The following NRXN3 variants were observed in gnomAD, a reference collection of about 807,000 sequenced individuals.
NRXN3 encodes the protein neurexin 3, also known as neurexin III.
NRXN3 carries 32 observed loss-of-function variants against 137.6 expected under a neutral mutation model. The observed-to-expected ratio is 0.23, with a 90% CI of 0.18 to 0.31. NRXN3 has a LOEUF of 0.31. NRXN3 is among the 10% of genes least tolerant of loss of function. The pLI, the probability that NRXN3 is intolerant of heterozygous loss-of-function variation, is 1.00. For synonymous variants in NRXN3, 798 were observed against 784.5 expected, an observed-to-expected ratio of 1.02 and a Z score of -0.29; for missense variants, 1,574 against 2,062.5, an observed-to-expected ratio of 0.76 and a Z score of 4.59.
chr14:79,200,828 A>ATTTTTTTTTTTTTTTTTTTTTT, intron 15 of NRXN3, among the ~76,000 whole-genome samples: 1 of 59,082 alleles, frequency 1.7e-5, no homozygotes, highest in Non-Finnish European at 3.1e-5. Context: ...TGTGAGCTGT[A>ATTTTTTTTTTTTTTTTTTTTTT]TTTTTTTTTT....
chr14:78,391,937 T>A (rs1336072627), intron 4 of NRXN3, among the ~76,000 whole-genome samples: 1 of 151,992 alleles, frequency 6.6e-6, no homozygotes, highest in African/African-American at 2.4e-5. Context: ...CCTCAAGATA[T>A]TTCATCCCTT....
intron 4 of NRXN3, among the ~76,000 whole-genome samples, chr14:78,339,248 G>A (rs2081882801): frequency 6.6e-6 from 1 of 152,188 alleles, no homozygotes; most frequent in Admixed American, 6.5e-5. Flanking sequence ...TCGCATGGGA[G>A]CAGGCATTAT....
chr14:78,218,221 G>C lies in NRXN3; in HGVS notation c.-703-24170G>C, dbSNP rs1183923215. Reference sequence around the variant, plus strand: ...GAAAAAAAAAAGTTACCTAGGCGTGGTGGCGCACACCTGTAGTCTTAGCTA... The same window carrying C: ...GAAAAAAAAAAGTTACCTAGGCGTGCTGGCGCACACCTGTAGTCTTAGCTA... On this transcript the variant is annotated intron_variant, in intron 1 of 20. Coordinates refer to ENST00000335750, the MANE Select transcript of NRXN3 (RefSeq NM_001330195.2). Among the ~76,000 whole-genome samples the C allele has an allele frequency of 2.6e-5, 4 of 152,226 alleles. No individual in the cohort carries two copies. In the East Asian group the frequency reaches 7.7e-4, roughly 29 times the overall value.
intron 4 of NRXN3, among the ~76,000 whole-genome samples, chr14:78,536,055 G>C (rs571796451): frequency 2.0e-5 from 3 of 152,148 alleles, no homozygotes; most frequent in Middle Eastern, 3.4e-3. Context: ...AGAGTGTTTC[G>C]TGGCATGACA....
Position 78,988,142 on chromosome 14 carries a change from G to A in NRXN3, c.3262+1G>A. ...TATTCTGGAAACCAGTGCAATGATC[G>A]TAAGTACAACAACCTTTCATACTGG... On this transcript the variant is annotated splice_donor_variant, in intron 15 of 20. Coordinates refer to ENST00000335750, the MANE Select transcript of NRXN3 (RefSeq NM_001330195.2). LOFTEE classifies it high-confidence loss of function. 1.9e-6 allele frequency: 3 copies of A among 1,613,670 alleles called. No homozygotes were observed. Among genetic ancestry groups the A allele is most frequent in the Admixed American group, 1.7e-5 (1 of 59,976 alleles).
intron 1 of NRXN3, among the ~76,000 whole-genome samples, chr14:78,183,981 A>G (rs1282195232): frequency 2.0e-5 from 3 of 152,126 alleles, no homozygotes; most frequent in Non-Finnish European, 4.4e-5. Flanking sequence ...CTTTTTTTGT[A>G]CATGTAGTTA....
intron 15 of NRXN3, among the ~76,000 whole-genome samples, chr14:79,397,014 T>C (rs1436596749): frequency 6.6e-6 from 1 of 152,154 alleles, no homozygotes; most frequent in Non-Finnish European, 1.5e-5. Context: ...ACAATCTCTT[T>C]GGGGAGGGAG....
At chr14:78,402,588 G>A (rs1230598192) in intron 4 of NRXN3, among the ~76,000 whole-genome samples, 4 of 152,188 alleles carry the variant, frequency 2.6e-5, no homozygotes, top group African/African-American at 9.7e-5. Flanking sequence ...TTTCAAATAT[G>A]AAGATGTAAA....
intron 3 of NRXN3, among the ~76,000 whole-genome samples, chr14:78,278,877 A>C (rs1355716933): frequency 2.6e-5 from 4 of 152,262 alleles, no homozygotes; most frequent in Non-Finnish European, 5.9e-5. Context: ...CTCATACTTA[A>C]TATAATCACT....
At chr14:78,506,906 A>AT (rs1259567448) in intron 4 of NRXN3, among the ~76,000 whole-genome samples, 1 of 151,964 alleles carries the variant, frequency 6.6e-6, no homozygotes, top group African/African-American at 2.4e-5. Context: ...ATTGTAGGCC[A>AT]TTTTTGTGTG....
chr14:78,692,023 A>T (rs1287875182), intron 6 of NRXN3, among the ~76,000 whole-genome samples: 1 of 152,220 alleles, frequency 6.6e-6, no homozygotes, highest in Non-Finnish European at 1.5e-5. Flanking sequence ...CTGGGCCTAT[A>T]AATTTAATTA....
At position 78,785,486 on chromosome 14, in the gene NRXN3, G is replaced by A. The variant is rs765164112; in HGVS notation, c.2045-18134G>A. On this transcript the variant is annotated intron_variant, in intron 8 of 20. Transcript: ENST00000335750. The stretch of plus-strand genomic sequence containing the variant: ...ATTCTGGCAAGCTAAACATGGTGAC[G>A]GAGCCAGATAACTTGTTCCCTGTAG... 2.6e-5 allele frequency among the ~76,000 whole-genome samples: 4 copies of A among 152,158 alleles called. No individual in the cohort carries two copies. In the East Asian group the frequency reaches 5.8e-4, roughly 22 times the overall value.
chr14:79,683,890 G>T (rs1022094776), intron 17 of NRXN3, among the ~76,000 whole-genome samples: 2 of 152,182 alleles, frequency 1.3e-5, no homozygotes, highest in African/African-American at 2.4e-5. Context: ...TTATGACTCA[G>T]TCTCTAAGTC....
At chr14:78,624,253 A>G (rs144094818) in intron 4 of NRXN3, among the ~76,000 whole-genome samples, 73 of 152,332 alleles carry the variant, frequency 4.8e-4, no homozygotes, top group Non-Finnish European at 7.9e-4. Flanking sequence ...CATACCCTCC[A>G]AAAAACTCTT....
rs373434975 is a variant in NRXN3 at position 79,213,628 on chromosome 14, G to T, written c.3262+225487G>T. Among the ~76,000 whole-genome samples, 38 of 151,446 alleles carry T rather than the reference G, an allele frequency of 2.5e-4. 1 individual carries two copies. In the East Asian group the frequency reaches 3.5e-3, roughly 14 times the overall value. Reference sequence around the variant, plus strand: ...GTCTCCTCTCACCCTTTTTTTTTGGGGGGGGGTGGCGGGAACAAAACAATA... The same window carrying T: ...GTCTCCTCTCACCCTTTTTTTTTGGTGGGGGGTGGCGGGAACAAAACAATA... On this transcript the variant is annotated intron_variant, in intron 15 of 20. Transcript: ENST00000335750.
chr14:78,328,742 G>A (rs1390322835), intron 4 of NRXN3, among the ~76,000 whole-genome samples: 1 of 152,198 alleles, frequency 6.6e-6, no homozygotes, highest in African/African-American at 2.4e-5. Flanking sequence ...TGCTACAAGA[G>A]GAAGTGTGTA....
chr14:79,023,966 G>C (rs1415377631), intron 15 of NRXN3, among the ~76,000 whole-genome samples: 2 of 152,060 alleles, frequency 1.3e-5, no homozygotes, highest in Non-Finnish European at 2.9e-5. Flanking sequence ...TTCTTCAAGT[G>C]GCTATGTTCC....
intron 15 of NRXN3, among the ~76,000 whole-genome samples, chr14:79,183,279 A>G (rs1256392282): frequency 6.6e-6 from 1 of 152,148 alleles, no homozygotes; most frequent in Non-Finnish European, 1.5e-5. Context: ...TCAGTTTTTC[A>G]TGTGTTATAG....
intron 6 of NRXN3, among the ~76,000 whole-genome samples, chr14:78,684,676 C>T (rs1381847331): frequency 2.6e-5 from 4 of 152,122 alleles, no homozygotes; most frequent in African/African-American, 9.7e-5. Context: ...CACCTGTAGT[C>T]CCAGCTACTT....
Sources: gnomAD v4.1 joint callset for allele counts (sites outside exome capture counted in the v4.1 genomes callset) on GRCh38, gnomAD v4.1.1 for gene constraint, MANE v1.5 for transcripts, NCBI Gene and HGNC (gene_info 2026-07-23, HGNC 2026-07-21) for gene names.